WDR93: variants seen among roughly 807,000 people sequenced by gnomAD.
WDR93 encodes the protein WD repeat-containing protein 93.
WDR93 carries 73 observed loss-of-function variants against 82.9 expected under a neutral mutation model. The ratio of observed to expected loss-of-function variants is 0.88; its 90% CI spans 0.73 to 1.07. The LOEUF (loss-of-function observed/expected upper bound fraction) is 1.07. WDR93 is among the 50% of genes least tolerant of loss of function. The pLI, the probability that WDR93 is intolerant of heterozygous loss-of-function variation, is 0.00. For synonymous variants in WDR93, 283 were observed against 300.1 expected (o/e 0.94, Z 0.59); for missense variants, 738 against 826.0 (o/e 0.89, Z 1.31).
intron 1 of WDR93, among the ~76,000 whole-genome samples, chr15:89,699,889 T>C (rs1965371881): frequency 6.6e-6 from 1 of 152,350 alleles, no homozygotes; most frequent in African/African-American, 2.4e-5. Flanking sequence ...AATTCTAATA[T>C]CTTTATTGAC....
intron 7 of WDR93, chr15:89,719,511 A>C (rs1340735605): frequency 6.6e-6 from 1 of 152,224 alleles, no homozygotes; most frequent in Non-Finnish European, 1.5e-5. Context: ...AGTGGTTCAT[A>C]ACATTCCATT....
At chr15:89,698,086 G>A (rs55961854) in intron 1 of WDR93, among the ~76,000 whole-genome samples, 29,022 of 151,292 alleles carry the variant, frequency 0.19, 3,000 homozygotes, top group Middle Eastern at 0.29. Flanking sequence ...GGGTCTCACC[G>A]TGTTAGCCAG....
At chr15:89,729,350 G>A (rs961114246) in intron 10 of WDR93, among the ~76,000 whole-genome samples, 1 of 152,046 alleles carries the variant, frequency 6.6e-6, no homozygotes, top group Non-Finnish European at 1.5e-5. Flanking sequence ...CACATCCACC[G>A]GGCTGCTTCT....
chr15:89,698,852 T>C (rs1468348229), intron 1 of WDR93, among the ~76,000 whole-genome samples: 1 of 152,164 alleles, frequency 6.6e-6, no homozygotes, highest in East Asian at 1.9e-4. Flanking sequence ...CACTTCTTTA[T>C]GTAAATTTCT....
intron 7 of WDR93, among the ~76,000 whole-genome samples, chr15:89,721,577 G>A (rs1427901601): frequency 6.6e-6 from 1 of 152,122 alleles, no homozygotes; most frequent in Non-Finnish European, 1.5e-5. Context: ...CACACACAAA[G>A]TTTCTTTTTG....
rs543229256 is a variant in WDR93, at chr15:89,739,738, T to G, written c.1961+1502T>G. ...GGCAGGTTCCTTTCCTTCCAGTGCC[T>G]AGATGTTCCTATGTATGTAACGTGA... On this transcript the variant is annotated intron_variant, in intron 16 of 16. Coordinates refer to ENST00000268130, the MANE Select transcript of WDR93 (RefSeq NM_020212.2). Among the ~76,000 whole-genome samples, 4 of 152,320 alleles carry G rather than the reference T, an allele frequency of 2.6e-5. No homozygotes were observed. In the East Asian group the frequency reaches 7.7e-4, roughly 29 times the overall value.
chr15:89,721,061 C>A (rs1178156404), intron 7 of WDR93: 1 of 152,168 alleles, frequency 6.6e-6, no homozygotes, highest in African/African-American at 2.4e-5. Context: ...TGTCATTATT[C>A]ACTGACCCTT....
chr15:89,711,550 T>C (rs910204113), intron 4 of WDR93, among the ~76,000 whole-genome samples: 1 of 149,692 alleles, frequency 6.7e-6, no homozygotes, highest in Admixed American at 6.6e-5. Context: ...AAAGATAGCA[T>C]AACCATTCAC....
intron 8 of WDR93, among the ~76,000 whole-genome samples, chr15:89,722,589 A>G (rs1049851155): frequency 1.3e-5 from 2 of 152,216 alleles, no homozygotes; most frequent in Non-Finnish European, 2.9e-5. Context: ...GGAGAATGAC[A>G]AGAAACCACC....
intron 14 of WDR93, 77 bp from the exon 15 acceptor site, chr15:89,737,496 G>A: frequency 1.3e-6 from 2 of 1,569,970 alleles, no homozygotes; most frequent in Admixed American, 1.7e-5. Flanking sequence ...ATTCCTTACT[G>A]GGGTGACCTC....
At chr15:89,704,641 A>T (rs972425819) in intron 3 of WDR93, 3 of 152,210 alleles carry the variant, frequency 2.0e-5, no homozygotes, top group Non-Finnish European at 4.4e-5. Flanking sequence ...ATGGGAAAAT[A>T]AGATTTCAGG....
At chr15:89,700,078 G>A (rs72752554) in intron 1 of WDR93, among the ~76,000 whole-genome samples, 7,102 of 152,214 alleles carry the variant, frequency 0.047, 237 homozygotes, top group Middle Eastern at 0.099. Context: ...GATGCAGTAT[G>A]TTACTTAGAA....
upstream of WDR93, chr15:89,690,553 G>A: frequency 2.6e-6 from 4 of 1,544,520 alleles, no homozygotes; most frequent in Non-Finnish European, 3.5e-6. Context: ...AGAAAGGGGC[G>A]GAGGCCGCTG....
At chr15:89,731,655 T>G in intron 12 of WDR93, 93 bp downstream of exon 12, 4 of 1,547,900 alleles carry the variant, frequency 2.6e-6, no homozygotes, top group Non-Finnish European at 3.5e-6. Context: ...CTGGGCCTTC[T>G]GTTACCTCTG....
At chr15:89,715,333 G>A (rs151208483) in intron 6 of WDR93, among the ~76,000 whole-genome samples, 1 of 152,296 alleles carries the variant, frequency 6.6e-6, no homozygotes, top group Admixed American at 6.5e-5. Context: ...CCTCTCCACT[G>A]AGACCACTCC....
chr15:89,731,608 G>C (rs1489121708), intron 12 of WDR93, 46 bp downstream of exon 12: 1 of 1,611,350 alleles, frequency 6.2e-7, no homozygotes, highest in Non-Finnish European at 8.5e-7. Context: ...TGGGACTCTG[G>C]GCAATGAGTC....
At chr15:89,713,764 C>G (rs1020642238) in intron 5 of WDR93, among the ~76,000 whole-genome samples, 1 of 152,142 alleles carries the variant, frequency 6.6e-6, no homozygotes, top group African/African-American at 2.4e-5. Flanking sequence ...TGAGCCACCA[C>G]GCCTGGCGAA....
chr15:89,712,994 G>C (rs1280831256), intron 5 of WDR93, among the ~76,000 whole-genome samples: 2 of 151,984 alleles, frequency 1.3e-5, no homozygotes, highest in Non-Finnish European at 2.9e-5. Context: ...CGTGGTGGTG[G>C]GCACCTGTAA....
intron 8 of WDR93, among the ~76,000 whole-genome samples, chr15:89,725,073 ACC>A (rs1966680383): frequency 6.6e-6 from 1 of 152,130 alleles, no homozygotes; most frequent in Non-Finnish European, 1.5e-5. Flanking sequence ...TGAGTTAGTC[ACC>A]CTACTTCTAG....
Sources: allele counts gnomAD v4.1 joint callset (sites outside exome capture counted in the v4.1 genomes callset), GRCh38; gene constraint gnomAD v4.1.1; transcripts MANE v1.5; gene names NCBI Gene and HGNC (gene_info 2026-07-23, HGNC 2026-07-21).